FGF13: variants seen among roughly 807,000 people sequenced by gnomAD.
FGF13 encodes fibroblast growth factor homologous factor 2.
In FGF13, 2 loss-of-function variants were observed where a neutral mutation model predicts 19.5. The ratio of observed to expected loss-of-function variants is 0.10; its 90% CI spans 0.04 to 0.32. FGF13 has a LOEUF of 0.32. Among genes scored for constraint, FGF13 ranks in the 10% least tolerant of loss-of-function variants. The pLI is 1.00. For missense variants in FGF13, 113 were observed against 192.7 expected (o/e 0.59, Z 2.45); for synonymous variants, 72 against 76.9 (o/e 0.94, Z 0.33).
chrX:138,879,497 T>G lies in FGF13; in HGVS notation c.-112-14847A>C, dbSNP rs767084600. Among the ~76,000 whole-genome samples, 205 of 111,966 alleles carry G rather than the reference T, an allele frequency of 1.8e-3. 2 individuals are homozygous for G. Among genetic ancestry groups the G allele is most frequent in the African/African-American group, 6.3e-3 (195 of 30,840 alleles). On this transcript the variant is annotated intron_variant, in intron 1 of 2. Transcript: ENST00000421460. ...AGTTTTATGGTTTTAGATCTTATATTTAGATATTGGTTAACGTTAGTTAAT... is the reference window on the plus strand; with the variant it reads ...AGTTTTATGGTTTTAGATCTTATATGTAGATATTGGTTAACGTTAGTTAAT...
rs187379040 is a variant in FGF13 at position 139,176,139 on chromosome X, T to G, written c.-113+27277A>C. On this transcript the variant is annotated intron_variant, in intron 1 of 2. Transcript: ENST00000421460. ...CTAGGTTTAGTCTTGGGAATGTTTATGTGTACAGGAATTTATCCCTTTCTT... is the reference window on the plus strand; with the variant it reads ...CTAGGTTTAGTCTTGGGAATGTTTAGGTGTACAGGAATTTATCCCTTTCTT... 5.4e-3 allele frequency among the ~76,000 whole-genome samples: 610 copies of G among 111,963 alleles called. 4 individuals are homozygous for G. The highest frequency in any genetic ancestry group is 7.2e-3 in the Non-Finnish European group (384 of 53,180).
chrX:138,627,719 T>C lies in FGF13; in HGVS notation c.*5131A>G, dbSNP rs754373423. 2 of 109,274 alleles carry C rather than the reference T, an allele frequency of 1.8e-5. No individual in the cohort carries two copies. The highest frequency in any genetic ancestry group is 8.0e-4 in the South Asian group (2 of 2,506). The allele number at this position is 109,274 out of a possible 1,213,427, so 9.0% of individuals were successfully genotyped here. ...AACTAATATAAAATGAGAAACTGAA[T>C]TGACATTTGGTTAGTTTACAATTCT... On this transcript the variant is annotated 3_prime_UTR_variant, in exon 5 of 5. Transcript: ENST00000315930.
At chrX:139,005,276 A>G in intron 1 of FGF13, among the ~76,000 whole-genome samples, 1 of 107,562 alleles carries the variant, frequency 9.3e-6, no homozygotes, top group Middle Eastern at 4.8e-3. Flanking sequence ...GAAGAGAACA[A>G]AAGTTTTTGT....
In FGF13 at chrX:138,808,086, C is replaced by A. The variant is rs755191234; in HGVS notation, c.217+49426G>T. On this transcript the variant is annotated intron_variant, in intron 3 of 6. Coordinates refer to the FGF13 transcript ENST00000436198. ...GAATTGAACTCAGCTCTGCACCAAG[C>A]GGACCTAATAGACATCTACGGAACT... 3.6e-5 allele frequency among the ~76,000 whole-genome samples: 4 copies of A among 111,474 alleles called. 1 individual carries two copies. In the Middle Eastern group the frequency reaches 0.014, roughly 382 times the overall value.
chrX:138,721,922 CT>C (rs1265644269), intron 1 of FGF13, among the ~76,000 whole-genome samples: 1 of 110,131 alleles, frequency 9.1e-6, no homozygotes, highest in Non-Finnish European at 1.9e-5. Flanking sequence ...AGTTTTATTC[CT>C]TTATCTTACT....
chrX:138,749,322 TACACACACACACACACACACACAC>T (rs34038080), intron 3 of FGF13, among the ~76,000 whole-genome samples: 21 of 81,694 alleles, frequency 2.6e-4, no homozygotes, highest in African/African-American at 8.6e-4. Context: ...GAGACCAAAA[TACACACACACACACACACACACAC>T]ACACACACAC....
chrX:139,080,415 A>G (rs1451588519), intron 1 of FGF13, among the ~76,000 whole-genome samples: 1 of 112,206 alleles, frequency 8.9e-6, no homozygotes. Flanking sequence ...ATGTTATAAA[A>G]TAAGAGAAGG....
chrX:139,182,543 G>A lies in FGF13; in HGVS notation c.-113+20873C>T, dbSNP rs139467477. ...TGAATGACAGCAAGGCAGGAGAACT[G>A]CAGGCTCTCCTGCTGATTCGGGCCT... is the stretch of plus-strand genomic sequence containing the variant. On this transcript the variant is annotated intron_variant, in intron 1 of 2. Transcript: ENST00000421460. Among the ~76,000 whole-genome samples, 850 of 112,054 alleles carry A rather than the reference G, an allele frequency of 7.6e-3. 9 individuals are homozygous for A. Among genetic ancestry groups the A allele is most frequent in the African/African-American group, 0.027 (820 of 30,885 alleles).
chrX:138,825,977 A>G (rs2091032002), intron 3 of FGF13, among the ~76,000 whole-genome samples: 1 of 111,488 alleles, frequency 9.0e-6, no homozygotes, highest in Non-Finnish European at 1.9e-5. Flanking sequence ...TAGTTCAGCT[A>G]CACTGGGACA....
chrX:138,711,067 T>C lies in FGF13; in HGVS notation c.-64A>G, dbSNP rs17497256. The C allele has an allele frequency of 4.2e-6, 5 of 1,185,070 alleles. No individual in the cohort carries two copies. The highest frequency in any genetic ancestry group is 1.9e-5 in the South Asian group (1 of 53,614). ...CTCTCTGGGTTCGCCTCCTCCTCCT[T>C]CTCCTCCGCTGCTTGTCCGCTGTCT... On this transcript the variant is annotated 5_prime_UTR_variant, in exon 1 of 5. Coordinates refer to ENST00000315930, the MANE Select transcript of FGF13 (RefSeq NM_004114.5).
At chrX:138,905,053 C>A (rs1039819618) in intron 1 of FGF13, among the ~76,000 whole-genome samples, 5 of 111,525 alleles carry the variant, frequency 4.5e-5, no homozygotes, top group Non-Finnish European at 9.4e-5. Context: ...AGAAGAATGA[C>A]TTAAGAAATC....
At chrX:138,676,397 G>A (rs1360255583) in intron 3 of FGF13, among the ~76,000 whole-genome samples, 3 of 111,154 alleles carry the variant, frequency 2.7e-5, no homozygotes, top group Non-Finnish European at 5.7e-5. Flanking sequence ...AAACATGAAT[G>A]GGATTAATGG....
chrX:138,976,260 T>A (rs1471287278), intron 1 of FGF13, among the ~76,000 whole-genome samples: 1 of 111,728 alleles, frequency 9.0e-6, no homozygotes, highest in Non-Finnish European at 1.9e-5. Context: ...GAATATTTTT[T>A]AAAAATTGTG....
Position 138,768,457 on chromosome X carries a change from C to G in FGF13, c.218-59529G>C, listed in dbSNP as rs753116513. Reference sequence around the variant, plus strand: ...TCTTTTTGGGGGTGCTGGTAATGTTCTACTTCTTCATCTGGGTGCTCATTA... The same window carrying G: ...TCTTTTTGGGGGTGCTGGTAATGTTGTACTTCTTCATCTGGGTGCTCATTA... On this transcript the variant is annotated intron_variant, in intron 3 of 6. Coordinates refer to the FGF13 transcript ENST00000436198. 2.7e-5 allele frequency among the ~76,000 whole-genome samples: 3 copies of G among 109,529 alleles called. No homozygotes were observed. The East Asian group carries it at 8.7e-4, about 32-fold the overall frequency.
At chrX:139,160,014 C>T (rs2084015874) in intron 1 of FGF13, among the ~76,000 whole-genome samples, 1 of 111,802 alleles carries the variant, frequency 8.9e-6, no homozygotes, top group Non-Finnish European at 1.9e-5. Flanking sequence ...CAGAACTCTC[C>T]ACCCCAAATC....
intron 3 of FGF13, among the ~76,000 whole-genome samples, chrX:138,791,041 A>G (rs2090738471): frequency 8.9e-6 from 1 of 112,413 alleles, no homozygotes; most frequent in African/African-American, 3.2e-5. Context: ...TATGTCAAGA[A>G]CCCCATAAAT....
intron 3 of FGF13, among the ~76,000 whole-genome samples, chrX:138,815,486 G>A (rs1318930867): frequency 9.1e-6 from 1 of 109,876 alleles, no homozygotes. Flanking sequence ...AAAGCTGCGG[G>A]AAAAAATGAA....
chrX:138,991,995 AG>A (rs937768201), intron 1 of FGF13, among the ~76,000 whole-genome samples: 3 of 111,965 alleles, frequency 2.7e-5, no homozygotes, highest in African/African-American at 9.7e-5. Flanking sequence ...CCAGTTTCAT[AG>A]GAAGAAAACA....
chrX:138,726,827 T>A (rs767171300), intron 1 of FGF13, among the ~76,000 whole-genome samples: 3 of 111,898 alleles, frequency 2.7e-5, no homozygotes, highest in Non-Finnish European at 5.7e-5. Context: ...GTACTGTTAT[T>A]ACTCCTAACT....
Sources: allele counts gnomAD v4.1 joint callset (sites outside exome capture counted in the v4.1 genomes callset), GRCh38; gene constraint gnomAD v4.1.1; transcripts MANE v1.5; gene names NCBI Gene and HGNC (gene_info 2026-07-23, HGNC 2026-07-21).